TRAM2: variants seen among roughly 807,000 people sequenced by gnomAD.
The protein encoded by TRAM2 is translocation associated membrane protein 2.
A neutral mutation model predicts 51.0 loss-of-function variants in TRAM2; 12 were observed. That is an observed-to-expected ratio of 0.24 (90% CI 0.15 to 0.38). The LOEUF (loss-of-function observed/expected upper bound fraction) is 0.38. Among genes scored for constraint, TRAM2 ranks in the 10% least tolerant of loss-of-function variants. The probability of loss-of-function intolerance (pLI) is 1.00; values close to 1 mark genes in which losing one functional copy is unlikely to be tolerated. For missense variants in TRAM2, 361 were observed against 462.0 expected, an observed-to-expected ratio of 0.78 and a Z score of 2.00; for synonymous variants, 175 against 179.4, an observed-to-expected ratio of 0.98 and a Z score of 0.20.
At chr6:52,540,083 G>C (rs75526833) in intron 1 of TRAM2, among the ~76,000 whole-genome samples, 3 of 151,208 alleles carry the variant, frequency 2.0e-5, no homozygotes, top group South Asian at 2.1e-4. Context: ...ATTCTAAAAA[G>C]TGCAACTTTC....
At chr6:52,546,340 C>A (rs769507347) in intron 1 of TRAM2, among the ~76,000 whole-genome samples, 17 of 152,214 alleles carry the variant, frequency 1.1e-4, no homozygotes, top group Admixed American at 3.9e-4. Context: ...TCATCCTACA[C>A]ATGAGAGGTA....
chr6:52,533,478 CAT>C (rs1391992463), intron 2 of TRAM2, among the ~76,000 whole-genome samples: 2 of 152,196 alleles, frequency 1.3e-5, no homozygotes, highest in Non-Finnish European at 2.9e-5. Flanking sequence ...GTGCTGGCCA[CAT>C]GTTTCCTGGC....
intron 2 of TRAM2, chr6:52,517,037 A>G (rs1766564595): frequency 3.0e-6 from 1 of 328,420 alleles, no homozygotes; most frequent in East Asian, 6.8e-5. Flanking sequence ...AGAGACCACC[A>G]ATCCCCATCA....
chr6:52,510,081 C>T (rs763150562), intron 4 of TRAM2, among the ~76,000 whole-genome samples: 10 of 152,144 alleles, frequency 6.6e-5, no homozygotes, highest in African/African-American at 2.4e-4. Context: ...AATGAAAAGC[C>T]TACTTTGGCT....
At chr6:52,515,221 A>C (rs1766525845) in intron 4 of TRAM2, among the ~76,000 whole-genome samples, 2 of 152,194 alleles carry the variant, frequency 1.3e-5, no homozygotes. Context: ...TGGATTTCTC[A>C]GGGGGCCAGG....
chr6:52,542,207 G>A (rs1330844570), intron 1 of TRAM2, among the ~76,000 whole-genome samples: 1 of 151,724 alleles, frequency 6.6e-6, no homozygotes, highest in African/African-American at 2.4e-5. Context: ...AAAATTTCAG[G>A]CAGACAAGAA....
intron 2 of TRAM2, among the ~76,000 whole-genome samples, chr6:52,521,024 T>G (rs1321656512): frequency 6.6e-6 from 1 of 152,018 alleles, no homozygotes; most frequent in East Asian, 1.9e-4. Context: ...TGCCTCAGCC[T>G]CCCAAGTAGC....
At chr6:52,509,083 C>T (rs1423692207) in intron 5 of TRAM2, among the ~76,000 whole-genome samples, 1 of 152,194 alleles carries the variant, frequency 6.6e-6, no homozygotes, top group Admixed American at 6.5e-5. Flanking sequence ...AGGGTGGCCT[C>T]CTGAGGGAGA....
chr6:52,542,258 T>C (rs6927149), intron 1 of TRAM2, among the ~76,000 whole-genome samples: 30,716 of 129,930 alleles, frequency 0.24, 4,014 homozygotes, highest in Non-Finnish European at 0.3. Flanking sequence ...GAAGAGATTT[T>C]TGGGTTTTTT....
chr6:52,539,439 A>C (rs540078636), intron 1 of TRAM2, among the ~76,000 whole-genome samples: 3 of 152,346 alleles, frequency 2.0e-5, no homozygotes, highest in African/African-American at 4.8e-5. Context: ...ATCCACAAAT[A>C]ATAAGGATCA....
chr6:52,525,118 C>T (rs1280096728), intron 2 of TRAM2: 1 of 152,284 alleles, frequency 6.6e-6, no homozygotes, highest in Non-Finnish European at 1.5e-5. Context: ...TGAGCAGTCG[C>T]TGTGCCCCCA....
chr6:52,554,747 T>C (rs1767373110), intron 1 of TRAM2, among the ~76,000 whole-genome samples: 1 of 151,546 alleles, frequency 6.6e-6, no homozygotes, highest in African/African-American at 2.4e-5. Flanking sequence ...AGAAGTTACA[T>C]TTCCACTTAG....
intron 1 of TRAM2, among the ~76,000 whole-genome samples, chr6:52,561,131 A>C (rs1767492143): frequency 6.6e-6 from 1 of 152,260 alleles, no homozygotes; most frequent in African/African-American, 2.4e-5. Context: ...AGCCAGGTAC[A>C]AAAAACCACA....
chr6:52,517,774 A>C (rs375272844), intron 2 of TRAM2, among the ~76,000 whole-genome samples: 1 of 152,218 alleles, frequency 6.6e-6, no homozygotes, highest in African/African-American at 2.4e-5. Context: ...CATTTACCAG[A>C]AGGTAGCCAG....
chr6:52,572,678 T>C (rs1249200631), intron 1 of TRAM2, among the ~76,000 whole-genome samples: 1 of 152,182 alleles, frequency 6.6e-6, no homozygotes, highest in Non-Finnish European at 1.5e-5. Context: ...AGAAGCAGGA[T>C]TGTTTTATGA....
At chr6:52,536,880 G>A (rs547211937) in intron 1 of TRAM2, among the ~76,000 whole-genome samples, 10 of 152,152 alleles carry the variant, frequency 6.6e-5, no homozygotes, top group African/African-American at 2.2e-4. Context: ...GTCAATAAAG[G>A]GGTGCTGGTT....
At chr6:52,539,637 C>T (rs1193496620) in intron 1 of TRAM2, among the ~76,000 whole-genome samples, 3 of 151,996 alleles carry the variant, frequency 2.0e-5, no homozygotes, top group African/African-American at 2.4e-5. Flanking sequence ...GCTGTAGGAG[C>T]GTGGGGATCT....
At chr6:52,560,353 G>A (rs1363397735) in intron 1 of TRAM2, among the ~76,000 whole-genome samples, 1 of 152,142 alleles carries the variant, frequency 6.6e-6, no homozygotes, top group Non-Finnish European at 1.5e-5. Flanking sequence ...TGCTGTGTAT[G>A]ATCTTTCCAG....
At position 52,501,422 on chromosome 6, in the gene TRAM2, A is replaced by C. The variant is rs1226916969; in HGVS notation, c.*1775T>G. On this transcript the variant is annotated 3_prime_UTR_variant, in exon 11 of 11. Transcript: ENST00000182527. ...ACCCATTTCCCCCCTTTTGAATCTA[A>C]ATCCAAGGTTTGGTTTCTACTGTGA... 1.3e-5 allele frequency: 2 copies of C among 152,190 alleles called. No individual in the cohort carries two copies. Among genetic ancestry groups the C allele is most frequent in the Admixed American group, 1.3e-4 (2 of 15,286 alleles). The allele number at this position is 152,190 out of a possible 1,614,324, so 9.4% of individuals were successfully genotyped here.
Sources: allele counts gnomAD v4.1 joint callset (sites outside exome capture counted in the v4.1 genomes callset), GRCh38; gene constraint gnomAD v4.1.1; transcripts MANE v1.5; gene names NCBI Gene and HGNC (gene_info 2026-07-23, HGNC 2026-07-21).